Variants in COL22A1 observed in about 807,000 individuals in gnomAD.
COL22A1 encodes collagen type XXII alpha 1 chain.
Under a neutral mutation model 248.9 loss-of-function variants are expected in COL22A1, and 221 were observed. The observed-to-expected ratio is 0.89, with a 90% confidence interval of 0.80 to 0.99. The LOEUF (loss-of-function observed/expected upper bound fraction) is 0.99, where lower values mean the gene tolerates loss of function less well. Among genes scored for constraint, COL22A1 ranks in the 50% least tolerant of loss-of-function variants. The pLI, the probability that COL22A1 is intolerant of heterozygous loss-of-function variation, is 0.00. For missense variants in COL22A1, 2,240 were observed against 2,179.0 expected, an observed-to-expected ratio of 1.03 and a Z score of -0.56; for synonymous variants, 891 against 793.4, an observed-to-expected ratio of 1.12 and a Z score of -2.07.
chr8:138,866,421 G>C (rs1228458485), intron 3 of COL22A1, among the ~76,000 whole-genome samples: 1 of 152,176 alleles, frequency 6.6e-6, no homozygotes, highest in Admixed American at 6.5e-5. Context: ...CTATGTTTAG[G>C]TGTATGTCCT....
rs772821836 is a variant in COL22A1 at position 138,811,260 on chromosome 8, C to CATAT, written c.1449+535_1449+538dup. Among the ~76,000 whole-genome samples the CATAT allele has an allele frequency of 3.5e-3, 508 of 146,960 alleles. 3 individuals carry two copies. Among genetic ancestry groups the CATAT allele is most frequent in the South Asian group, 0.014 (63 of 4,530 alleles). ...ATAGAAACACATAGACAAAACTCTACATATATATATATACACACACACACA... is the reference window on the plus strand; with the variant it reads ...ATAGAAACACATAGACAAAACTCTACATATATATATATATATACACACACACACA... On this transcript the variant is annotated intron_variant, in intron 9 of 64. Transcript: ENST00000303045.
Position 138,909,012 on chromosome 8 carries a change from G to A in COL22A1, c.-73+4607C>T, listed in dbSNP as rs540294537. On this transcript the variant is annotated intron_variant, in intron 1 of 64. Transcript: ENST00000303045. ...AGGTAATAGAATCCAGTCACCAGAT[G>A]AGGAAACTGGACAAGCTGCCTGTGA... is the stretch of plus-strand genomic sequence containing the variant. Among the ~76,000 whole-genome samples the A allele has an allele frequency of 8.3e-4, 127 of 152,342 alleles. 1 individual carries two copies. Among genetic ancestry groups the A allele is most frequent in the Non-Finnish European group, 1.3e-3 (91 of 68,030 alleles).
chr8:138,903,634 T>A (rs955631781), intron 1 of COL22A1, among the ~76,000 whole-genome samples: 1 of 152,152 alleles, frequency 6.6e-6, no homozygotes, highest in Non-Finnish European at 1.5e-5. Context: ...CAATTGCTTT[T>A]GTCTTCCAAG....
At chr8:138,709,579 T>C (rs984432298) in intron 30 of COL22A1, among the ~76,000 whole-genome samples, 14 of 135,726 alleles carry the variant, frequency 1.0e-4, no homozygotes, top group African/African-American at 1.4e-4. Flanking sequence ...TAGGTGGGAA[T>C]TGAACAATGA....
At chr8:138,693,533 T>C in intron 35 of COL22A1, 113 bp downstream of exon 35, 1 of 1,126,352 alleles carries the variant, frequency 8.9e-7, no homozygotes, top group Non-Finnish European at 1.3e-6. Flanking sequence ...GTGAACCTTC[T>C]GGGCCACGTC....
intron 7 of COL22A1, among the ~76,000 whole-genome samples, chr8:138,818,283 C>G (rs1333364771): frequency 6.6e-6 from 1 of 152,136 alleles, no homozygotes; most frequent in Non-Finnish European, 1.5e-5. Context: ...AGAGTCCTAG[C>G]CTGGCTGCCC....
chr8:138,884,208 T>C (rs1160029843), intron 1 of COL22A1, among the ~76,000 whole-genome samples: 4 of 152,230 alleles, frequency 2.6e-5, no homozygotes, highest in African/African-American at 4.8e-5. Context: ...AGGGGGTCAC[T>C]GCTCAGCTAC....
chr8:138,838,772 T>TA (rs59097266), intron 4 of COL22A1, among the ~76,000 whole-genome samples: 2,982 of 150,350 alleles, frequency 0.02, 88 homozygotes, highest in African/African-American at 0.065. Flanking sequence ...CACTGTGAGA[T>TA]AAAAAAAAAG....
At chr8:138,646,725 T>C in intron 46 of COL22A1, 43 bp from the exon 47 acceptor site, 1 of 1,417,846 alleles carries the variant, frequency 7.1e-7, no homozygotes, top group South Asian at 1.3e-5. Flanking sequence ...CAAGAATGAG[T>C]ATCAGGCCCA....
intron 3 of COL22A1, among the ~76,000 whole-genome samples, chr8:138,844,746 C>T (rs1218840919): frequency 4.6e-5 from 7 of 152,048 alleles, no homozygotes; most frequent in South Asian, 2.1e-4. Context: ...GTCAGGAGAT[C>T]GAGATCATCC....
intron 18 of COL22A1, among the ~76,000 whole-genome samples, chr8:138,757,197 C>A (rs7002313): frequency 6.6e-6 from 1 of 152,094 alleles, no homozygotes; most frequent in African/African-American, 2.4e-5. Context: ...CACTTCTTCA[C>A]GAACATCCTT....
rs757031031 is a variant in COL22A1 at position 138,594,166 on chromosome 8, G to A, written c.4466C>T (p.Pro1489Leu). Residue 1489 changes from proline to leucine, a missense_variant, in exon 63 of 65, where the codon CCG becomes CTG. Transcript: ENST00000303045. The part of the protein sequence containing the change: ...RLAYLLAQMP[P>L]AYMKSSQGRP... ...GCCTTGAGATGACTTCATGTACGCCGGGGGCATCTGGGCCAGGAGGTAGGC... is the reference window on the plus strand; with the variant it reads ...GCCTTGAGATGACTTCATGTACGCCAGGGGCATCTGGGCCAGGAGGTAGGC... 9.7e-5 allele frequency: 153 copies of A among 1,570,616 alleles called. No homozygotes were observed. Among genetic ancestry groups the A allele is most frequent in the East Asian group, 2.2e-4 (9 of 41,748 alleles).
chr8:138,718,112 A>C (rs908329756), intron 27 of COL22A1, among the ~76,000 whole-genome samples: 1 of 146,218 alleles, frequency 6.8e-6, no homozygotes, highest in African/African-American at 2.5e-5. Flanking sequence ...AACTTATTGG[A>C]GAGAAAGACA....
chr8:138,785,845 A>G (rs1268159734), intron 12 of COL22A1, among the ~76,000 whole-genome samples: 2 of 152,182 alleles, frequency 1.3e-5, no homozygotes, highest in East Asian at 3.9e-4. Flanking sequence ...CTGGCTTGAC[A>G]TAGTGTCCAC....
intron 9 of COL22A1, 121 bp downstream of exon 9, chr8:138,811,678 T>G: frequency 4.9e-5 from 55 of 1,127,066 alleles, no homozygotes; most frequent in Non-Finnish European, 6.8e-5. Flanking sequence ...CAGGGTGCTG[T>G]CAGCTGACAG....
At chr8:138,674,108 A>G (rs1160200553) in intron 41 of COL22A1, among the ~76,000 whole-genome samples, 1 of 152,100 alleles carries the variant, frequency 6.6e-6, no homozygotes, top group African/African-American at 2.4e-5. Flanking sequence ...GATTTCTAAG[A>G]TCACCTCCCA....
At chr8:138,780,834 C>T (rs1814902470) in intron 13 of COL22A1, 93 bp downstream of exon 13, 1 of 1,057,530 alleles carries the variant, frequency 9.5e-7, no homozygotes, top group Non-Finnish European at 1.5e-6. Context: ...CTGGCCCTGG[C>T]AATGCCACCC....
In COL22A1 at chr8:138,806,317, T is replaced by G. The variant is rs552214858; in HGVS notation, c.1494+1451A>C. Among the ~76,000 whole-genome samples, 370 of 149,610 alleles carry G rather than the reference T, an allele frequency of 2.5e-3. 3 individuals carry two copies. Among genetic ancestry groups the G allele is most frequent in the African/African-American group, 8.2e-3 (333 of 40,688 alleles). ...GTGTGTGTGATGTTGTATTATGGGGTGTGTGTGTGTGTGTGATGGTTTGTG... is the reference window on the plus strand; with the variant it reads ...GTGTGTGTGATGTTGTATTATGGGGGGTGTGTGTGTGTGTGATGGTTTGTG... On this transcript the variant is annotated intron_variant, in intron 10 of 64. Transcript: ENST00000303045.
At chr8:138,758,648 A>C (rs1833219243) in intron 18 of COL22A1, among the ~76,000 whole-genome samples, 1 of 152,142 alleles carries the variant, frequency 6.6e-6, no homozygotes, top group Non-Finnish European at 1.5e-5. Context: ...AGTTCCAGTG[A>C]CTTTCCCAAA....
Sources: gnomAD v4.1 joint callset for allele counts (sites outside exome capture counted in the v4.1 genomes callset) on GRCh38, gnomAD v4.1.1 for gene constraint, MANE v1.5 for transcripts, NCBI Gene and HGNC (gene_info 2026-07-23, HGNC 2026-07-21) for gene names.